The following PACRG variants were observed in gnomAD, a reference collection of about 807,000 sequenced individuals.
PACRG encodes parkin coregulated gene protein.
A neutral mutation model predicts 29.7 loss-of-function variants in PACRG; 29 were observed. That is an observed-to-expected ratio of 0.98 (90% CI 0.73 to 1.33). The LOEUF is 1.33. Ranked by LOEUF, PACRG falls within the 40% of genes most tolerant of loss-of-function variation. PACRG has a pLI of 0.00. For missense variants in PACRG, 279 were observed against 316.2 expected, an observed-to-expected ratio of 0.88 and a Z score of 0.89; for synonymous variants, 116 against 118.7, an observed-to-expected ratio of 0.98 and a Z score of 0.15.
chr6:162,930,525 G>A (rs1011509922), intron 2 of PACRG, among the ~76,000 whole-genome samples: 8 of 151,668 alleles, frequency 5.3e-5, no homozygotes, highest in African/African-American at 1.9e-4. Flanking sequence ...TATATAATAT[G>A]ATATCTTTGA....
chr6:163,171,011 G>A (rs912038039), intron 4 of PACRG: 1 of 152,172 alleles, frequency 6.6e-6, no homozygotes, highest in African/African-American at 2.4e-5. Context: ...TTGCTTTTCT[G>A]CAAAATGTGA....
intron 4 of PACRG, among the ~76,000 whole-genome samples, chr6:163,248,840 C>G (rs1782791748): frequency 6.6e-6 from 1 of 151,938 alleles, no homozygotes; most frequent in South Asian, 2.1e-4. Context: ...TGGTGAAACC[C>G]CGTTTCTACT....
intron 4 of PACRG, among the ~76,000 whole-genome samples, chr6:163,161,282 C>T (rs1022909936): frequency 2.6e-5 from 4 of 152,118 alleles, no homozygotes; most frequent in African/African-American, 9.7e-5. Context: ...TTTATCCCCA[C>T]CGAGATGTGC....
intron 4 of PACRG, among the ~76,000 whole-genome samples, chr6:163,291,101 C>T (rs532332196): frequency 6.6e-6 from 1 of 152,338 alleles, no homozygotes; most frequent in South Asian, 2.1e-4. Flanking sequence ...TCTGGGTTCT[C>T]AGGTTTCTGC....
chr6:163,289,078 T>C (rs1360268848), intron 4 of PACRG, among the ~76,000 whole-genome samples: 1 of 152,156 alleles, frequency 6.6e-6, no homozygotes, highest in African/African-American at 2.4e-5. Flanking sequence ...GGCATGCAGA[T>C]GGGAGCCTGG....
intron 4 of PACRG, among the ~76,000 whole-genome samples, chr6:163,252,029 GTC>G (rs1482791271): frequency 1.3e-5 from 2 of 152,236 alleles, no homozygotes; most frequent in African/African-American, 4.8e-5. Flanking sequence ...TAAGCACGGT[GTC>G]TCTGCACAGT....
chr6:163,261,135 T>A (rs1368143972), intron 4 of PACRG, among the ~76,000 whole-genome samples: 2 of 152,030 alleles, frequency 1.3e-5, no homozygotes, highest in Admixed American at 1.3e-4. Flanking sequence ...CCCTCCTCCC[T>A]CTGTCTTCCC....
upstream of PACRG, chr6:162,727,684 G>C: frequency 6.4e-7 from 1 of 1,572,880 alleles, no homozygotes; most frequent in Admixed American, 1.8e-5. Flanking sequence ...CTGGGTAGGT[G>C]GCGGCTGCGG....
rs1306416508 is a variant in PACRG, at chr6:163,269,981, AAGAAAGAAAGAAAGAAAGAAAGAAAGG to A, written c.614-44843_614-44817del. Among the ~76,000 whole-genome samples the A allele has an allele frequency of 3.3e-5, 4 of 120,230 alleles. 1 individual carries two copies. Among genetic ancestry groups the A allele is most frequent in the African/African-American group, 1.3e-4 (4 of 31,496 alleles). The allele number at this position is 120,230 out of a possible 152,430, so 78.9% of individuals were successfully genotyped here. On this transcript the variant is annotated intron_variant, in intron 4 of 4. Transcript: ENST00000366888. ...AAAGAAAGAAAGAAAGAAAGAAAGA[AAGAAAGAAAGAAAGAAAGAAAGAAAGG>A]AGGGAGGGAGGGAGGGAGGAAGGAA...
intron 2 of PACRG, among the ~76,000 whole-genome samples, chr6:163,054,647 T>C (rs1810377066): frequency 6.6e-6 from 1 of 152,086 alleles, no homozygotes; most frequent in Admixed American, 6.5e-5. Context: ...CAGGGTTTTG[T>C]TGGGTGAAAA....
chr6:162,749,234 G>A (rs1781331035), intron 1 of PACRG, among the ~76,000 whole-genome samples: 1 of 152,272 alleles, frequency 6.6e-6, no homozygotes, highest in East Asian at 1.9e-4. Context: ...GAACATTGTT[G>A]TACAAGTATT....
At chr6:163,175,640 A>AGCAGGTGAGCT (rs1779310401) in intron 4 of PACRG, among the ~76,000 whole-genome samples, 1 of 151,864 alleles carries the variant, frequency 6.6e-6, no homozygotes, top group Non-Finnish European at 1.5e-5. Flanking sequence ...GAATGTCGGG[A>AGCAGGTGAGCT]GCAGGTGAGC....
intron 4 of PACRG, among the ~76,000 whole-genome samples, chr6:163,300,999 G>A (rs12190348): frequency 5.3e-5 from 5 of 94,364 alleles, no homozygotes; most frequent in Admixed American, 1.2e-4. Flanking sequence ...GGCCACGTCC[G>A]CTGCTTCCCG....
At chr6:162,912,572 CT>C (rs745997012) in intron 2 of PACRG, among the ~76,000 whole-genome samples, 1,813 of 137,028 alleles carry the variant, frequency 0.013, 12 homozygotes, top group African/African-American at 0.036. Flanking sequence ...ATATTATATT[CT>C]TTTTTTTTTT....
chr6:162,814,513 G>A (rs1056965357), intron 2 of PACRG, among the ~76,000 whole-genome samples: 10 of 152,078 alleles, frequency 6.6e-5, no homozygotes, highest in Admixed American at 3.9e-4. Context: ...TTAGAGAGTT[G>A]TCTGCTGCCC....
chr6:163,215,074 A>G (rs916634840), intron 4 of PACRG, among the ~76,000 whole-genome samples: 5 of 151,678 alleles, frequency 3.3e-5, no homozygotes, highest in African/African-American at 1.2e-4. Context: ...ATTTTTTTTT[A>G]TCTACCCATG....
chr6:162,788,685 G>A (rs959649123), intron 1 of PACRG, among the ~76,000 whole-genome samples: 4 of 152,092 alleles, frequency 2.6e-5, no homozygotes, highest in African/African-American at 7.2e-5. Context: ...GGTTGTTAGT[G>A]TTCTGAATTT....
chr6:163,132,321 G>A (rs1217299385), intron 4 of PACRG, among the ~76,000 whole-genome samples: 1 of 152,108 alleles, frequency 6.6e-6, no homozygotes, highest in Non-Finnish European at 1.5e-5. Context: ...TTAAGAAACA[G>A]AACAAACTTG....
At chr6:162,760,739 C>A (rs1027577911) in intron 1 of PACRG, among the ~76,000 whole-genome samples, 3 of 152,024 alleles carry the variant, frequency 2.0e-5, no homozygotes, top group African/African-American at 7.2e-5. Flanking sequence ...TGGCTTTTAC[C>A]TCTTTTTCCC....
Sources: gnomAD v4.1 joint callset for allele counts (sites outside exome capture counted in the v4.1 genomes callset) on GRCh38, gnomAD v4.1.1 for gene constraint, MANE v1.5 for transcripts, NCBI Gene and HGNC (gene_info 2026-07-23, HGNC 2026-07-21) for gene names.